ABTB3: variants seen among roughly 807,000 people sequenced by gnomAD.
ABTB3 encodes the protein ankyrin repeat- and BTB/POZ domain-containing protein 3.
At chr12:107,454,085 C>T in the ABTB3 span, among the ~76,000 whole-genome samples, 1 of 152,206 alleles carries the variant, frequency 6.6e-6, no homozygotes, top group East Asian at 1.9e-4. Context: ...ACATATACTC[C>T]CAGCACTTAC....
At chr12:107,445,586 C>A in the ABTB3 span, among the ~76,000 whole-genome samples, 1 of 152,148 alleles carries the variant, frequency 6.6e-6, no homozygotes, top group East Asian at 1.9e-4. Flanking sequence ...CAGGGCATCT[C>A]AGAGAAGAGA....
chr12:107,382,880 G>A, the ABTB3 span, among the ~76,000 whole-genome samples: 20 of 152,230 alleles, frequency 1.3e-4, no homozygotes, highest in African/African-American at 4.6e-4. Context: ...TGCATGTTCT[G>A]CACGTGTATC....
At chr12:107,656,136 C>CA in the ABTB3 span, among the ~76,000 whole-genome samples, 447 of 129,616 alleles carry the variant, frequency 3.4e-3, 1 homozygote, top group Non-Finnish European at 4.9e-3. Flanking sequence ...AAAAAAAATA[C>CA]AAAAAAAAAA....
the ABTB3 span, among the ~76,000 whole-genome samples, chr12:107,655,270 TATATAC>T: frequency 6.6e-6 from 1 of 151,860 alleles, no homozygotes; most frequent in Admixed American, 6.6e-5. Context: ...TATATATATA[TATATAC>T]ACCTACAAAC....
chr12:107,620,209 G>C, the ABTB3 span: 6 of 1,601,918 alleles, frequency 3.7e-6, no homozygotes, highest in South Asian at 6.8e-5. Flanking sequence ...AGAGAACAAA[G>C]CTGGAGGTTC....
At chr12:107,647,628 A>C in the ABTB3 span, among the ~76,000 whole-genome samples, 1 of 152,258 alleles carries the variant, frequency 6.6e-6, no homozygotes, top group African/African-American at 2.4e-5. Flanking sequence ...CTGGGTGAGA[A>C]CAAGGCGGCA....
chr12:107,553,284 A>G, the ABTB3 span, among the ~76,000 whole-genome samples: 2 of 152,150 alleles, frequency 1.3e-5, no homozygotes, highest in Non-Finnish European at 2.9e-5. Flanking sequence ...TGCTCTAAAT[A>G]CTTTATGTGT....
chr12:107,578,414 T>G, the ABTB3 span, among the ~76,000 whole-genome samples: 1 of 125,452 alleles, frequency 8.0e-6, no homozygotes, highest in African/African-American at 3.3e-5. Context: ...TTTTTTTTTT[T>G]GCTATTCTTT....
chr12:107,454,285 A>G, the ABTB3 span, among the ~76,000 whole-genome samples: 1 of 152,242 alleles, frequency 6.6e-6, no homozygotes. Context: ...CCCAGTGCGA[A>G]ATGAGAAGGT....
chr12:107,413,167 A>T, the ABTB3 span, among the ~76,000 whole-genome samples: 2 of 152,078 alleles, frequency 1.3e-5, no homozygotes, highest in African/African-American at 2.4e-5. Flanking sequence ...CCAGCTACTC[A>T]GGAGGCTGAG....
chr12:107,648,169 T>G, the ABTB3 span, among the ~76,000 whole-genome samples: 1 of 151,878 alleles, frequency 6.6e-6, no homozygotes, highest in Non-Finnish European at 1.5e-5. Context: ...TTGCCTGAGC[T>G]CAGTAGTTCA....
chr12:107,501,428 G>C, the ABTB3 span, among the ~76,000 whole-genome samples: 2 of 150,994 alleles, frequency 1.3e-5, no homozygotes, highest in Admixed American at 6.6e-5. Context: ...GGCTGGGCGC[G>C]GTGGCTCACA....
At chr12:107,456,224 C>G in the ABTB3 span, among the ~76,000 whole-genome samples, 1 of 152,176 alleles carries the variant, frequency 6.6e-6, no homozygotes, top group Non-Finnish European at 1.5e-5. Context: ...AACAGAAGCA[C>G]AGAAAGGTTA....
chr12:107,466,122 G>T, the ABTB3 span, among the ~76,000 whole-genome samples: 1 of 152,070 alleles, frequency 6.6e-6, no homozygotes, highest in East Asian at 1.9e-4. Flanking sequence ...GCTTGCTTTG[G>T]GGGAAAGTCT....
chr12:107,369,392 GTTTTTTTT>G, the ABTB3 span, among the ~76,000 whole-genome samples: 27 of 134,904 alleles, frequency 2.0e-4, no homozygotes, highest in African/African-American at 6.8e-4. Context: ...TCAAACAAGG[GTTTTTTTT>G]TTTTTTTTTC....
At chr12:107,543,901 C>G in the ABTB3 span, 1 of 1,577,524 alleles carries the variant, frequency 6.3e-7, no homozygotes. Context: ...ATGTTGGCTT[C>G]CTGGAGGATC....
the ABTB3 span, among the ~76,000 whole-genome samples, chr12:107,475,510 C>T: frequency 6.6e-6 from 1 of 152,182 alleles, no homozygotes; most frequent in African/African-American, 2.4e-5. Flanking sequence ...GTCTTGTCCC[C>T]TCAAGTCCTT....
At chr12:107,643,207 A>C in the ABTB3 span, among the ~76,000 whole-genome samples, 1 of 151,954 alleles carries the variant, frequency 6.6e-6, no homozygotes, top group Non-Finnish European at 1.5e-5. Flanking sequence ...GGAGTTCTAG[A>C]CCAGCCTGAG....
the ABTB3 span, among the ~76,000 whole-genome samples, chr12:107,491,678 C>G: frequency 4.6e-5 from 7 of 152,120 alleles, no homozygotes; most frequent in Non-Finnish European, 8.8e-5. Context: ...CAAAAATTAA[C>G]TAGACGTGGT....
Sources: allele counts gnomAD v4.1 joint callset (sites outside exome capture counted in the v4.1 genomes callset), GRCh38; gene constraint gnomAD v4.1.1; transcripts MANE v1.5; gene names NCBI Gene and HGNC (gene_info 2026-07-23, HGNC 2026-07-21).